Variants in DTYMK observed in about 807,000 individuals in gnomAD.
DTYMK encodes the protein thymidylate kinase.
A neutral mutation model predicts 20.3 loss-of-function variants in DTYMK; 20 were observed. The ratio of observed to expected loss-of-function variants is 0.99; its 90% CI spans 0.69 to 1.43. The LOEUF (loss-of-function observed/expected upper bound fraction) is 1.43. Ranked by LOEUF, DTYMK falls within the 40% of genes most tolerant of loss-of-function variation. The pLI, the probability that DTYMK is intolerant of heterozygous loss-of-function variation, is 0.00. For synonymous variants in DTYMK, 148 were observed against 124.4 expected, an observed-to-expected ratio of 1.19 and a Z score of -1.27; for missense variants, 320 against 291.1, an observed-to-expected ratio of 1.10 and a Z score of -0.72.
intron 2 of DTYMK, among the ~76,000 whole-genome samples, chr2:241,682,643 C>T (rs538381620): frequency 5.2e-4 from 79 of 152,232 alleles, no homozygotes; most frequent in African/African-American, 1.6e-3. Context: ...CAAAATTGGC[C>T]GGGCATGGTG....
intron 2 of DTYMK, among the ~76,000 whole-genome samples, chr2:241,681,620 C>T (rs1166488449): frequency 6.6e-6 from 1 of 152,208 alleles, no homozygotes; most frequent in Non-Finnish European, 1.5e-5. Context: ...CAGGAGAAAA[C>T]TTAGATCACC....
intron 4 of DTYMK, among the ~76,000 whole-genome samples, chr2:241,676,578 C>T (rs1412700516): frequency 6.6e-6 from 1 of 152,272 alleles, no homozygotes; most frequent in African/African-American, 2.4e-5. Flanking sequence ...GGATACCCCA[C>T]ACCTTTCTCT....
intron 2 of DTYMK, among the ~76,000 whole-genome samples, chr2:241,681,427 C>T (rs367865343): frequency 2.4e-4 from 37 of 152,322 alleles, no homozygotes; most frequent in African/African-American, 8.4e-4. Context: ...CGGTGGCTCA[C>T]GCCTGTAATC....
intron 3 of DTYMK, among the ~76,000 whole-genome samples, chr2:241,678,992 C>T (rs999211296): frequency 2.0e-5 from 3 of 152,186 alleles, no homozygotes; most frequent in African/African-American, 7.2e-5. Context: ...TGGAGACCCC[C>T]GGCCTAGAAC....
Position 241,675,778 on chromosome 2 carries a change from G to T in DTYMK, c.*349C>A. On this transcript the variant is annotated 3_prime_UTR_variant, in exon 5 of 5. Coordinates refer to ENST00000305784, the MANE Select transcript of DTYMK (RefSeq NM_012145.4). ...GGTCGTTTTTTACTAGTGTCTGGAAGACATTTAGGAGAATTCCAACTGATT... is the reference window on the plus strand; with the variant it reads ...GGTCGTTTTTTACTAGTGTCTGGAATACATTTAGGAGAATTCCAACTGATT... The T allele has an allele frequency of 5.9e-6, 1 of 170,826 alleles. No homozygotes were observed. The highest frequency in any genetic ancestry group is 1.2e-5 in the Non-Finnish European group (1 of 80,480). 10.6% of individuals were successfully genotyped at this position (170,826 alleles called of 1,614,324 possible).
At chr2:241,685,694 G>T in intron 2 of DTYMK, 75 bp downstream of exon 2, 2 of 1,428,950 alleles carry the variant, frequency 1.4e-6, no homozygotes, top group South Asian at 1.2e-5. Context: ...ATTCAGAATC[G>T]AGTGCTGCGT....
At position 241,681,539 on chromosome 2, in the gene DTYMK, G is replaced by GA. The variant is rs201394812; in HGVS notation, c.240-1221dup. 7.0e-3 allele frequency among the ~76,000 whole-genome samples: 1,060 copies of GA among 151,776 alleles called. 8 individuals are homozygous for GA. The highest frequency in any genetic ancestry group is 0.014 in the Middle Eastern group (4 of 292). On this transcript the variant is annotated intron_variant, in intron 2 of 4. Coordinates refer to ENST00000305784, the MANE Select transcript of DTYMK (RefSeq NM_012145.4). Reference sequence around the variant, plus strand: ...ACCCCGTTCTCCACAAAAAGTGGGGGAAAAAAAAGACAAAATGAATCACAG... The same window carrying GA: ...ACCCCGTTCTCCACAAAAAGTGGGGGAAAAAAAAAGACAAAATGAATCACAG...
chr2:241,680,911 A>G (rs1231844305), intron 2 of DTYMK, among the ~76,000 whole-genome samples: 1 of 152,206 alleles, frequency 6.6e-6, no homozygotes, highest in Non-Finnish European at 1.5e-5. Flanking sequence ...AAGGAGATGC[A>G]CTGTCAGCTG....
chr2:241,680,347 G>C (rs1318046423), intron 2 of DTYMK, 28 bp from the exon 3 acceptor site: 9 of 1,612,634 alleles, frequency 5.6e-6, no homozygotes, highest in Non-Finnish European at 4.2e-6. Flanking sequence ...CCTGAGCCCT[G>C]GTCCTGTTTC....
At chr2:241,680,655 A>G (rs1194016621) in intron 2 of DTYMK, among the ~76,000 whole-genome samples, 5 of 152,216 alleles carry the variant, frequency 3.3e-5, no homozygotes, top group African/African-American at 1.2e-4. Flanking sequence ...CCTGGGTGAC[A>G]CAGCGAGACT....
chr2:241,680,467 G>C (rs1396310339), intron 2 of DTYMK, 148 bp from the exon 3 acceptor site: 1 of 714,240 alleles, frequency 1.4e-6, no homozygotes, highest in African/African-American at 1.8e-5. Flanking sequence ...ACAAGGTCAG[G>C]AGATCGAGAC....
In DTYMK at chr2:241,686,709, C is replaced by T; in HGVS notation, c.75G>A (p.Lys25=). ...DRAGKSTQSR[K]LVEALCAAGH... ...CCGCGGCGCACAGCGCTTCCACCAG[C>T]TTGCGGCTCTGCGTGCTCTTCCCGG... The change falls in exon 1 of 5, where the codon AAG becomes AAA. Residue 25 remains lysine, a synonymous_variant. Transcript: ENST00000305784. 1 of 1,543,784 alleles carries T rather than the reference C, an allele frequency of 6.5e-7. No homozygotes were observed.
Position 241,686,640 on chromosome 2 carries a change from C to T in DTYMK, c.130+14G>A. The stretch of plus-strand genomic sequence containing the variant: ...ACCGAAGGCCGCGGCGCACCCCCCG[C>T]CGCGCGCACCCACCCGGGAACCGGA... On this transcript the variant is annotated intron_variant, in intron 1 of 4. Transcript: ENST00000305784. 6.7e-7 allele frequency: 1 copy of T among 1,498,124 alleles called. No homozygotes were observed. Among genetic ancestry groups the T allele is most frequent in the Non-Finnish European group, 8.8e-7 (1 of 1,136,550 alleles). The allele number at this position is 1,498,124 out of a possible 1,614,324, so 92.8% of individuals were successfully genotyped here. A position where few individuals can be genotyped will look rare whatever the true frequency, so the allele number is the denominator to read the frequency against.
chr2:241,681,096 C>T (rs555455930), intron 2 of DTYMK, among the ~76,000 whole-genome samples: 2 of 152,306 alleles, frequency 1.3e-5, no homozygotes, highest in East Asian at 3.9e-4. Flanking sequence ...ACAAGTCCAC[C>T]ATCATCCCTA....
At chr2:241,677,823 T>C (rs899007279) in intron 4 of DTYMK, among the ~76,000 whole-genome samples, 2 of 152,176 alleles carry the variant, frequency 1.3e-5, no homozygotes, top group Non-Finnish European at 2.9e-5. Context: ...GCAGGGCCCA[T>C]GCCCAGCGAG....
chr2:241,686,361 C>A (rs2069403438), intron 1 of DTYMK, among the ~76,000 whole-genome samples: 2 of 152,230 alleles, frequency 1.3e-5, no homozygotes, highest in African/African-American at 4.8e-5. Flanking sequence ...CATCACCATA[C>A]CCCGCACTTA....
chr2:241,677,036 C>T (rs1332938660), intron 4 of DTYMK, among the ~76,000 whole-genome samples: 2 of 152,236 alleles, frequency 1.3e-5, no homozygotes, highest in Non-Finnish European at 2.9e-5. Context: ...GGCATAAGCC[C>T]GCAGGACAGC....
rs1575100520 is a variant in DTYMK at position 241,676,054 on chromosome 2, G to A, written c.*73C>T. 1 of 1,417,092 alleles carries A rather than the reference G, an allele frequency of 7.1e-7. No individual in the cohort carries two copies. Among genetic ancestry groups the A allele is most frequent in the Non-Finnish European group, 9.6e-7 (1 of 1,044,138 alleles). The allele number at this position is 1,417,092 out of a possible 1,614,324, so 87.8% of individuals were successfully genotyped here. On this transcript the variant is annotated 3_prime_UTR_variant, in exon 5 of 5. Coordinates refer to ENST00000305784, the MANE Select transcript of DTYMK (RefSeq NM_012145.4). ...GTTGTGGGGTCTGGACTCTGCTGGG[G>A]ACGGGGCCTTCCGCGAGTCTCCCAC...
intron 2 of DTYMK, among the ~76,000 whole-genome samples, chr2:241,684,105 T>G (rs1048696071): frequency 2.0e-5 from 3 of 151,730 alleles, no homozygotes; most frequent in Middle Eastern, 3.2e-3. Flanking sequence ...AAGCCACAGT[T>G]AGACATAGAG....
Sources: gnomAD v4.1 joint callset for allele counts (sites outside exome capture counted in the v4.1 genomes callset) on GRCh38, gnomAD v4.1.1 for gene constraint, MANE v1.5 for transcripts, NCBI Gene and HGNC (gene_info 2026-07-23, HGNC 2026-07-21) for gene names.